The following HECW2 variants were observed in gnomAD, a reference collection of about 807,000 sequenced individuals.
The protein encoded by HECW2 is E3 ubiquitin-protein ligase HECW2.
In HECW2, 61 loss-of-function variants were observed where a neutral mutation model predicts 175.2. The observed-to-expected ratio is 0.35, with a 90% confidence interval of 0.28 to 0.43. HECW2 has a LOEUF of 0.43. HECW2 is among the 20% of genes least tolerant of loss of function. The pLI is 1.00. For synonymous variants in HECW2, 671 were observed against 731.0 expected (o/e 0.92, Z 1.32); for missense variants, 1,524 against 2,000.5 (o/e 0.76, Z 4.54).
intron 28 of HECW2, among the ~76,000 whole-genome samples, chr2:196,204,089 CTTTA>C (rs1358283586): frequency 6.6e-6 from 1 of 152,134 alleles, no homozygotes; most frequent in Admixed American, 6.5e-5. Context: ...ACCACATTTT[CTTTA>C]TTCATTCATC....
At chr2:196,570,814 ACAATAACCAG>A (rs1260180610) in intron 1 of HECW2, among the ~76,000 whole-genome samples, 11 of 152,174 alleles carry the variant, frequency 7.2e-5, no homozygotes, top group Non-Finnish European at 2.9e-5. Context: ...GTATCATGGG[ACAATAACCAG>A]CAATAGCCAG....
intron 2 of HECW2, among the ~76,000 whole-genome samples, chr2:196,399,630 C>T (rs1174916129): frequency 2.0e-5 from 3 of 152,144 alleles, no homozygotes; most frequent in Admixed American, 6.5e-5. Flanking sequence ...ATAACCTGCC[C>T]AAGCTGAAGC....
chr2:196,409,366 C>T (rs547153161), intron 2 of HECW2, among the ~76,000 whole-genome samples: 124 of 152,172 alleles, frequency 8.1e-4, no homozygotes, highest in Admixed American at 4.1e-3. Context: ...ACTCAAATAT[C>T]TCTTTAGGAT....
chr2:196,397,818 A>G (rs1343213119), intron 2 of HECW2, among the ~76,000 whole-genome samples: 1 of 152,222 alleles, frequency 6.6e-6, no homozygotes, highest in East Asian at 1.9e-4. Context: ...TGTTTCCCAA[A>G]TGCTTCCAAT....
intron 1 of HECW2, chr2:196,592,879 T>G (rs1426218888): frequency 6.7e-6 from 1 of 149,928 alleles, no homozygotes; most frequent in Non-Finnish European, 1.5e-5. Context: ...CTGCGGCCGG[T>G]CCGTGCGCGC....
At chr2:196,531,657 G>A (rs1688844157) in intron 1 of HECW2, among the ~76,000 whole-genome samples, 1 of 137,486 alleles carries the variant, frequency 7.3e-6, no homozygotes, top group South Asian at 2.3e-4. Flanking sequence ...GTGAGACTCT[G>A]TCTCAAAAAA....
intron 14 of HECW2, among the ~76,000 whole-genome samples, chr2:196,283,384 T>C (rs1690262775): frequency 6.7e-6 from 1 of 150,290 alleles, no homozygotes; most frequent in African/African-American, 2.4e-5. Flanking sequence ...ACACTTTTTT[T>C]TTTTTTTTTG....
intron 2 of HECW2, among the ~76,000 whole-genome samples, chr2:196,366,146 AG>A (rs1559069978): frequency 6.6e-6 from 1 of 152,236 alleles, no homozygotes; most frequent in African/African-American, 2.4e-5. Context: ...AGAGAATTCC[AG>A]GAACTTGATC....
chr2:196,208,160 T>C (rs1340117796), intron 28 of HECW2, among the ~76,000 whole-genome samples: 3 of 152,232 alleles, frequency 2.0e-5, no homozygotes, highest in Non-Finnish European at 4.4e-5. Flanking sequence ...TTAGGAAGAA[T>C]AGTAAGAATG....
intron 2 of HECW2, among the ~76,000 whole-genome samples, chr2:196,364,260 A>G (rs573343819): frequency 1.1e-4 from 17 of 152,306 alleles, no homozygotes; most frequent in Non-Finnish European, 1.9e-4. Context: ...CTATTTTCCT[A>G]TATGGAGAAA....
At chr2:196,481,059 A>G (rs1185114509) in intron 1 of HECW2, among the ~76,000 whole-genome samples, 2 of 152,226 alleles carry the variant, frequency 1.3e-5, no homozygotes, top group Non-Finnish European at 2.9e-5. Flanking sequence ...GTAGACACTG[A>G]AAAGCTTTCA....
At chr2:196,423,684 T>TTGTGTGTGTG (rs60030164) in intron 2 of HECW2, among the ~76,000 whole-genome samples, 59,340 of 139,794 alleles carry the variant, frequency 0.42, 14,185 homozygotes, top group East Asian at 0.71. Flanking sequence ...TAGTATTCCA[T>TTGTGTGTGTG]TGTGTGTGTG....
intron 1 of HECW2, among the ~76,000 whole-genome samples, chr2:196,487,303 G>A (rs922377047): frequency 1.3e-5 from 2 of 152,174 alleles, no homozygotes; most frequent in African/African-American, 4.8e-5. Flanking sequence ...GACAGAGCAA[G>A]ACCCTGTCTC....
intron 1 of HECW2, among the ~76,000 whole-genome samples, chr2:196,467,631 A>G (rs902947958): frequency 1.3e-5 from 2 of 152,230 alleles, no homozygotes; most frequent in African/African-American, 4.8e-5. Context: ...GGAAGTGGCA[A>G]TTAACTTTCC....
At chr2:196,285,926 T>TC (rs1332727419) in intron 14 of HECW2, among the ~76,000 whole-genome samples, 1 of 152,082 alleles carries the variant, frequency 6.6e-6, no homozygotes, top group African/African-American at 2.4e-5. Flanking sequence ...TGGGCCAGAG[T>TC]CCCAAAAACA....
At chr2:196,239,153 A>G (rs1400934035) in intron 21 of HECW2, 3 of 152,290 alleles carry the variant, frequency 2.0e-5, no homozygotes, top group Non-Finnish European at 2.9e-5. Context: ...CACATCAGCA[A>G]TGAAAGGCTC....
intron 2 of HECW2, among the ~76,000 whole-genome samples, chr2:196,370,237 G>T (rs1693869224): frequency 6.6e-6 from 1 of 152,082 alleles, no homozygotes; most frequent in Admixed American, 6.5e-5. Flanking sequence ...GTCAGCAGGT[G>T]ATGAATCCTG....
At chr2:196,284,055 T>C (rs1690291275) in intron 14 of HECW2, among the ~76,000 whole-genome samples, 1 of 152,178 alleles carries the variant, frequency 6.6e-6, no homozygotes, top group Non-Finnish European at 1.5e-5. Context: ...CTACCATCTT[T>C]TCCTTTTTAT....
intron 1 of HECW2, among the ~76,000 whole-genome samples, chr2:196,540,851 GA>G (rs1689186641): frequency 6.6e-6 from 1 of 152,064 alleles, no homozygotes; most frequent in Non-Finnish European, 1.5e-5. Context: ...TTCTCCATAG[GA>G]TAATCATACA....
Sources: allele counts gnomAD v4.1 joint callset (sites outside exome capture counted in the v4.1 genomes callset), GRCh38; gene constraint gnomAD v4.1.1; transcripts MANE v1.5; gene names NCBI Gene and HGNC (gene_info 2026-07-23, HGNC 2026-07-21).